POLD2: variants seen among roughly 807,000 people sequenced by gnomAD.
POLD2 encodes the protein DNA polymerase delta 2, accessory subunit.
POLD2 carries 31 observed loss-of-function variants against 48.8 expected under a neutral mutation model. The ratio of observed to expected loss-of-function variants is 0.64; its 90% CI spans 0.48 to 0.86. The LOEUF (loss-of-function observed/expected upper bound fraction) is 0.86. Among genes scored for constraint, POLD2 ranks in the 40% least tolerant of loss-of-function variants. POLD2 has a pLI of 0.00. For missense variants in POLD2, 455 were observed against 610.1 expected (o/e 0.75, Z 2.68); for synonymous variants, 233 against 256.3 (o/e 0.91, Z 0.87).
intron 2 of POLD2, 51 bp from the exon 3 acceptor site, chr7:44,118,115 C>T: frequency 2.5e-6 from 4 of 1,602,230 alleles, no homozygotes; most frequent in Non-Finnish European, 3.4e-6. Flanking sequence ...CCCCGCCCGA[C>T]AGAGGCCATG....
At chr7:44,122,290 G>C (rs1040787378) in intron 1 of POLD2, 181 bp from the exon 2 acceptor site, 1 of 1,400,892 alleles carries the variant, frequency 7.1e-7, no homozygotes, top group Non-Finnish European at 9.2e-7. Context: ...ACCCTGTAGC[G>C]GTCATCCAAA....
At position 44,116,551 on chromosome 7, in the gene POLD2, C is replaced by A; in HGVS notation, c.781-41G>T. The stretch of plus-strand genomic sequence containing the variant: ...AGAAGGCCATCAGGCCCAGGCGAGT[C>A]CCAGGCTCAGAGGAGAGTAGAGCCC... On this transcript the variant is annotated intron_variant, in intron 6 of 10. Transcript: ENST00000610533. The surrounding 1 kb of genome is among the most constrained non-coding windows in gnomAD (Gnocchi z 6.1). 1 of 1,475,622 alleles carries A rather than the reference C, an allele frequency of 6.8e-7. No individual in the cohort carries two copies. The highest frequency in any genetic ancestry group is 9.3e-7 in the Non-Finnish European group (1 of 1,077,836). 91.4% of individuals were successfully genotyped at this position (1,475,622 alleles called of 1,614,324 possible).
chr7:44,114,884 G>GGCGGTCT lies in POLD2; in HGVS notation c.1304_1310dup (p.Cys438AspfsTer26). 2 of 1,613,912 alleles carry GGCGGTCT rather than the reference G, an allele frequency of 1.2e-6. No individual in the cohort carries two copies. The highest frequency in any genetic ancestry group is 1.7e-6 in the Non-Finnish European group (2 of 1,179,896). Reference sequence around the variant, plus strand: ...CCAGGCTGCGCAGGTTCACAAGGCAGGCGGTCTGCGTGGCACTGAAGTCAG... The same window carrying GGCGGTCT: ...CCAGGCTGCGCAGGTTCACAAGGCAGGCGGTCTGCGGTCTGCGTGGCACTGAAGTCAG... On this transcript the variant is annotated frameshift_variant, in exon 11 of 11. Transcript: ENST00000610533. LOFTEE classifies it high-confidence loss of function.
intron 1 of POLD2, 153 bp downstream of exon 1, chr7:44,123,358 G>C: frequency 7.2e-7 from 1 of 1,397,902 alleles, no homozygotes; most frequent in Admixed American, 3.3e-5. Context: ...GAGCGCCCTG[G>C]GGGCTGTCCC....
At chr7:44,123,688 C>G (rs930257547), upstream of POLD2, 5 of 1,354,082 alleles carry the variant, frequency 3.7e-6, no homozygotes, top group Non-Finnish European at 3.8e-6. Flanking sequence ...GTCCCTGGGA[C>G]GCCCAGAGAA....
Position 44,114,829 on chromosome 7 carries a change from C to T in POLD2, c.1366G>A (p.Gly456Arg), listed in dbSNP as rs374486229. Reference sequence around the variant, plus strand: ...CCTCCCAGGTCATCGTCCTCTGCCCCGAAGCCCGAGAAGCTGATGGGCTGG... The same window carrying T: ...CCTCCCAGGTCATCGTCCTCTGCCCTGAAGCCCGAGAAGCTGATGGGCTGG... Reference protein sequence around the residue: ...ACQPISFSGFGAEDDDLGGLG... With the variant: ...ACQPISFSGFRAEDDDLGGLG... The change falls in exon 11 of 11, where the codon GGG becomes AGG. Residue 456 changes from glycine (G) to arginine (R), a missense_variant. By Grantham distance (125) the Gly-to-Arg change is moderately radical. Around this residue, in one of 3 missense-constraint regions of POLD2, gnomAD observed 98 missense variants for 138.6 expected, o/e 0.71. Transcript: ENST00000610533. 6.8e-6 allele frequency: 11 copies of T among 1,613,794 alleles called. No homozygotes were observed. Among genetic ancestry groups the T allele is most frequent in the Middle Eastern group, 1.6e-4 (1 of 6,080 alleles).
chr7:44,123,410 C>A, intron 1 of POLD2, 101 bp downstream of exon 1: 1 of 1,453,128 alleles, frequency 6.9e-7, no homozygotes, highest in Non-Finnish European at 9.0e-7. Flanking sequence ...GCGGCAGCTG[C>A]GGGACGTCCG....
intron 4 of POLD2, 170 bp downstream of exon 4, chr7:44,117,449 C>A: frequency 1.2e-6 from 1 of 856,454 alleles, no homozygotes; most frequent in Non-Finnish European, 1.8e-6. Flanking sequence ...AGGTCTCACC[C>A]AATCTGATGG....
chr7:44,117,817 G>A (rs771581209), intron 3 of POLD2, 75 bp from the exon 4 acceptor site: 37 of 1,599,140 alleles, frequency 2.3e-5, no homozygotes, highest in South Asian at 1.0e-4. Flanking sequence ...AGCTGGCACC[G>A]CAGCCCCCAC....
In POLD2 at chr7:44,121,485, C is replaced by T. The variant is rs3217949; in HGVS notation, c.220+349G>A. ...AGTCTTGGCTCCTGGTGCCTGGCGC[C>T]AGGCTTGCCACACTGAGGGGCTCTC... On this transcript the variant is annotated intron_variant, in intron 2 of 10. Transcript: ENST00000610533. This position sits in a 1 kb window ranked among gnomAD's most constrained non-coding sequence, Gnocchi z 4.5. 1.3e-5 allele frequency among the ~76,000 whole-genome samples: 2 copies of T among 152,170 alleles called. No individual in the cohort carries two copies. Among genetic ancestry groups the T allele is most frequent in the African/African-American group, 2.4e-5 (1 of 41,416 alleles).
chr7:44,115,163 CAGA>C, intron 10 of POLD2, 129 bp downstream of exon 10: 1 of 774,052 alleles, frequency 1.3e-6, no homozygotes, highest in Non-Finnish European at 2.2e-6. Flanking sequence ...GGCAGCTGTG[CAGA>C]AGACCTCAGC....
At chr7:44,123,733 G>A, upstream of POLD2, 1 of 1,336,894 alleles carries the variant, frequency 7.5e-7, no homozygotes, top group South Asian at 1.9e-5. Flanking sequence ...TGGGCAACGC[G>A]GGGCGGGGGC....
rs3217949 is a variant in POLD2, at chr7:44,121,485, C to A, written c.220+349G>T. On this transcript the variant is annotated intron_variant, in intron 2 of 10. Transcript: ENST00000610533. The surrounding 1 kb of genome is among the most constrained non-coding windows in gnomAD (Gnocchi z 4.5). Reference sequence around the variant, plus strand: ...AGTCTTGGCTCCTGGTGCCTGGCGCCAGGCTTGCCACACTGAGGGGCTCTC... The same window carrying A: ...AGTCTTGGCTCCTGGTGCCTGGCGCAAGGCTTGCCACACTGAGGGGCTCTC... 7.4e-3 allele frequency among the ~76,000 whole-genome samples: 1,122 copies of A among 152,284 alleles called. 10 individuals are homozygous for A. The highest frequency in any genetic ancestry group is 0.031 in the Middle Eastern group (9 of 294).
At chr7:44,119,646 G>A (rs1485875510) in intron 2 of POLD2, among the ~76,000 whole-genome samples, 1 of 152,222 alleles carries the variant, frequency 6.6e-6, no homozygotes, top group Non-Finnish European at 1.5e-5. Context: ...GCACACAACT[G>A]GGATCCAAGT....
Position 44,117,004 on chromosome 7 carries a change from A to G in POLD2, c.593T>C (p.Leu198Pro), listed in dbSNP as rs781290573. The change falls in exon 6 of 11, where the codon CTG (leucine) becomes CCG (proline). Residue 198 changes from leucine to proline, a missense_variant. Leu to Pro is a moderately conservative substitution (Grantham distance 98, BLOSUM62 -3). Coordinates refer to ENST00000610533, the MANE Select transcript of POLD2 (RefSeq NM_006230.4). ...PPLDTDRFVL[L>P]VSGLGLGGGG... Reference sequence around the variant, plus strand: ...GCCACCCAGGCCCAGGCCGGACACCAGTAGCACAAACCTGCGGGAGAAGGT... The same window carrying G: ...GCCACCCAGGCCCAGGCCGGACACCGGTAGCACAAACCTGCGGGAGAAGGT... The G allele has an allele frequency of 6.2e-7, 1 of 1,613,398 alleles. No individual in the cohort carries two copies.
chr7:44,116,729 G>T lies in POLD2; in HGVS notation c.780+88C>A. ...TCCCACCGACCTGCGAGACCTCACA[G>T]GGTACCCTACTCGCCCTGGGGAAGG... On this transcript the variant is annotated intron_variant, in intron 6 of 10. Transcript: ENST00000610533. The surrounding 1 kb of genome is among the most constrained non-coding windows in gnomAD (Gnocchi z 6.1). The T allele has an allele frequency of 2.8e-6, 4 of 1,444,472 alleles. No homozygotes were observed. Among genetic ancestry groups the T allele is most frequent in the Non-Finnish European group, 3.8e-6 (4 of 1,040,264 alleles). 89.5% of individuals were successfully genotyped at this position (1,444,472 alleles called of 1,614,324 possible). A position where few individuals can be genotyped will look rare whatever the true frequency, so the allele number is the denominator to read the frequency against.
chr7:44,121,711 A>C lies in POLD2; in HGVS notation c.220+123T>G. 4.4e-6 allele frequency: 4 copies of C among 915,258 alleles called. No individual in the cohort carries two copies. The highest frequency in any genetic ancestry group is 6.5e-6 in the Non-Finnish European group (4 of 612,448). 56.7% of individuals were successfully genotyped at this position (915,258 alleles called of 1,614,324 possible). ...CTTAAGAAGAAACTGAGGGAAAAAG[A>C]GGTTAATTTTCCCAAGGTAACAGGA... is the stretch of plus-strand genomic sequence containing the variant. On this transcript the variant is annotated intron_variant, in intron 2 of 10. Transcript: ENST00000610533. The surrounding 1 kb of genome is among the most constrained non-coding windows in gnomAD (Gnocchi z 4.5).
In POLD2 at chr7:44,123,519, G is replaced by A. The variant is rs1416192553; in HGVS notation, c.-65C>T. 29 of 1,481,270 alleles carry A rather than the reference G, an allele frequency of 2.0e-5. No individual in the cohort carries two copies. The highest frequency in any genetic ancestry group is 2.4e-5 in the Non-Finnish European group (27 of 1,123,738). The allele number at this position is 1,481,270 out of a possible 1,614,324, so 91.8% of individuals were successfully genotyped here. On this transcript the variant is annotated 5_prime_UTR_variant, in exon 1 of 11. Coordinates refer to ENST00000610533, the MANE Select transcript of POLD2 (RefSeq NM_006230.4). ...CCCTGGACCCCACTCACCGCGCGGC[G>A]CGCCGCATCCCGCCAATCCCCGCGC...
Position 44,116,912 on chromosome 7 carries a change from C to A in POLD2, c.685G>T (p.Glu229Ter), listed in dbSNP as rs772144034. ...VDVVTGQLGD[E>*]GEQCSAAHVS... Reference sequence around the variant, plus strand: ...TGGGCGGCGCTGCACTGCTCCCCTTCGTCCCCAAGCTGCCCCGTCACCACA... The same window carrying A: ...TGGGCGGCGCTGCACTGCTCCCCTTAGTCCCCAAGCTGCCCCGTCACCACA... Residue 229 changes from glutamate to a stop codon, truncating the protein, a stop_gained, in exon 6 of 11, where the codon GAA (glutamate) becomes TAA (stop). Transcript: ENST00000610533. LOFTEE classifies it high-confidence loss of function. This position sits in a 1 kb window ranked among gnomAD's most constrained non-coding sequence, Gnocchi z 6.1. 4.3e-6 allele frequency: 7 copies of A among 1,613,826 alleles called. No individual in the cohort carries two copies. Among genetic ancestry groups the A allele is most frequent in the Non-Finnish European group, 4.2e-6 (5 of 1,180,000 alleles).
Sources: gnomAD v4.1 joint callset for allele counts (sites outside exome capture counted in the v4.1 genomes callset) on GRCh38, gnomAD v4.1.1 for gene constraint, gnomAD v4.1.1 regional missense constraint, Gnocchi (gnomAD v3.1) non-coding constraint, MANE v1.5 for transcripts, NCBI Gene and HGNC (gene_info 2026-07-23, HGNC 2026-07-21) for gene names.